The following ARID3C variants were observed in gnomAD, a reference collection of about 807,000 sequenced individuals.
The protein encoded by ARID3C is AT-rich interactive domain-containing protein 3C.
In ARID3C, 42 loss-of-function variants were observed where a neutral mutation model predicts 37.9. That is an observed-to-expected ratio of 1.11 (90% CI 0.87 to 1.43). The LOEUF is 1.43. ARID3C is among the 40% of genes most tolerant of loss of function. The pLI, the probability that ARID3C is intolerant of heterozygous loss-of-function variation, is 0.00. For synonymous variants in ARID3C, 213 were observed against 228.0 expected (o/e 0.93, Z 0.59); for missense variants, 581 against 548.8 (o/e 1.06, Z -0.59).
rs192350625 is a variant in ARID3C at position 34,628,085 on chromosome 9, G to C, written c.-71C>G. The C allele has an allele frequency of 7.0e-7, 1 of 1,437,050 alleles. No individual in the cohort carries two copies. Among genetic ancestry groups the C allele is most frequent in the East Asian group, 2.5e-5 (1 of 39,958 alleles). The allele number at this position is 1,437,050 out of a possible 1,614,324, so 89.0% of individuals were successfully genotyped here. A position where few individuals can be genotyped will look rare whatever the true frequency, so the allele number is the denominator to read the frequency against. On this transcript the variant is annotated 5_prime_UTR_variant, in exon 1 of 7. Transcript: ENST00000378909. The surrounding 1 kb of genome is among the most constrained non-coding windows in gnomAD (Gnocchi z 5.2). ...CAGGCGGGACCCCGAGGAAAGGGCC[G>C]CCTGTGGGGGAGGGAATTATGGGTG...
chr9:34,622,500 C>T, exon 5 of ARID3C: 9 of 1,610,330 alleles, frequency 5.6e-6, no homozygotes, highest in Non-Finnish European at 7.6e-6. Flanking sequence ...ACAGGCAGTG[C>T]CAGACAAGGG....
chr9:34,625,650 G>T, intron 2 of ARID3C, 92 bp downstream of exon 3: 3 of 1,417,070 alleles, frequency 2.1e-6, no homozygotes, highest in Non-Finnish European at 2.0e-6. Flanking sequence ...GTGCTGCCAA[G>T]CTCAGGCCTC....
chr9:34,621,776 T>C (rs1439076336), intron 6 of ARID3C, among the ~76,000 whole-genome samples: 1 of 152,092 alleles, frequency 6.6e-6, no homozygotes, highest in Non-Finnish European at 1.5e-5. Flanking sequence ...TTTATGCTGA[T>C]ACATAGGCCC....
At chr9:34,627,987 C>A in exon 1 of ARID3C, 2 of 1,512,202 alleles carry the variant, frequency 1.3e-6, no homozygotes, top group Non-Finnish European at 8.9e-7. Context: ...GCCAGCCGAG[C>A]TGCCTGCTGC....
upstream of ARID3C, among the ~76,000 whole-genome samples, chr9:34,630,311 C>T (rs754522780): frequency 1.3e-5 from 2 of 152,116 alleles, no homozygotes; most frequent in Non-Finnish European, 2.9e-5. Flanking sequence ...GCAGGCCTCT[C>T]AGAATTTCTG....
At chr9:34,626,642 T>C in intron 1 of ARID3C, among the ~76,000 whole-genome samples, 1 of 152,070 alleles carries the variant, frequency 6.6e-6, no homozygotes, top group East Asian at 1.9e-4. Flanking sequence ...CCTCAGAGTA[T>C]AAAACAAACA....
upstream of ARID3C, among the ~76,000 whole-genome samples, chr9:34,630,629 G>A (rs560366778): frequency 4.6e-5 from 7 of 152,042 alleles, no homozygotes; most frequent in South Asian, 6.2e-4. Context: ...TCAAACCACC[G>A]GCTCTTCTGA....
intron 1 of ARID3C, among the ~76,000 whole-genome samples, chr9:34,627,473 T>C (rs564195144): frequency 6.6e-6 from 1 of 152,228 alleles, no homozygotes; most frequent in East Asian, 1.9e-4. Flanking sequence ...GAAAACCTTG[T>C]CTTTACAAAA....
rs945737272 is a variant in ARID3C at position 34,628,028 on chromosome 9, C to A, written c.-14G>T. The stretch of plus-strand genomic sequence containing the variant: ...CAGGGCCTCCATGACAGCTTCCAGG[C>A]GCAGTCCCCCAGCTGAGGGGGTCCC... On this transcript the variant is annotated 5_prime_UTR_variant, in exon 1 of 7. Coordinates refer to ENST00000378909, the Ensembl canonical transcript of ARID3C. This position sits in a 1 kb window ranked among gnomAD's most constrained non-coding sequence, Gnocchi z 5.2. The A allele has an allele frequency of 1.4e-6, 2 of 1,465,600 alleles. No individual in the cohort carries two copies. Among genetic ancestry groups the A allele is most frequent in the Non-Finnish European group, 1.8e-6 (2 of 1,107,934 alleles). 90.8% of individuals were successfully genotyped at this position (1,465,600 alleles called of 1,614,324 possible). A position where few individuals can be genotyped will look rare whatever the true frequency, so the allele number is the denominator to read the frequency against.
chr9:34,627,914 T>G (rs1820680184), exon 1 of ARID3C: 2 of 1,558,620 alleles, frequency 1.3e-6, no homozygotes, highest in East Asian at 4.8e-5. Context: ...GGTCCGGTGG[T>G]CAGGCAGGGG....
chr9:34,627,044 T>C (rs1045405324), intron 1 of ARID3C, among the ~76,000 whole-genome samples: 1 of 152,178 alleles, frequency 6.6e-6, no homozygotes, highest in Non-Finnish European at 1.5e-5. Context: ...GTCTTGTCAT[T>C]CTGAGTTGCG....
rs774023997 is a variant in ARID3C at position 34,623,734 on chromosome 9, G to A, written c.576-20C>T. On this transcript the variant is annotated intron_variant, in intron 3 of 6. Coordinates refer to ENST00000378909, the Ensembl canonical transcript of ARID3C. ...ATGTACCTAGGGGCGGACAGCGGGCGGTGAGTGTATGGGAGGCTGCACCCA... is the reference window on the plus strand; with the variant it reads ...ATGTACCTAGGGGCGGACAGCGGGCAGTGAGTGTATGGGAGGCTGCACCCA... 25 of 1,512,344 alleles carry A rather than the reference G, an allele frequency of 1.7e-5. No homozygotes were observed. Among genetic ancestry groups the A allele is most frequent in the Non-Finnish European group, 2.1e-5 (24 of 1,131,252 alleles). 93.7% of individuals were successfully genotyped at this position (1,512,344 alleles called of 1,614,324 possible).
Position 34,627,714 on chromosome 9 carries a change from C to T in ARID3C, c.301G>A (p.Glu101Lys), listed in dbSNP as rs919201543. The change falls in exon 1 of 7, where the codon GAG (glutamate) becomes AAG (lysine). Residue 101 changes from glutamate (E) to lysine (K), a missense_variant. Coordinates refer to ENST00000378909, the Ensembl canonical transcript of ARID3C. ...GGTCCTACCTGCTTGAATTGTTCCT[C>T]GTAGGTCCACTCGTGGGGATGGAGT... 3 of 1,612,230 alleles carry T rather than the reference C, an allele frequency of 1.9e-6. No homozygotes were observed. Among genetic ancestry groups the T allele is most frequent in the Non-Finnish European group, 1.7e-6 (2 of 1,179,140 alleles).
chr9:34,624,118 A>G, intron 2 of ARID3C, 71 bp from the exon 4 acceptor site: 1 of 1,470,498 alleles, frequency 6.8e-7, no homozygotes, highest in Non-Finnish European at 9.1e-7. Context: ...AGGGACTGAT[A>G]CAGGACGGGA....
exon 7 of ARID3C, chr9:34,621,410 T>A: frequency 7.8e-7 from 1 of 1,288,586 alleles, no homozygotes; most frequent in East Asian, 2.8e-5. Flanking sequence ...GGGGGTCTCC[T>A]CCCCCCTCAG....
At chr9:34,630,523 C>T (rs377452927), upstream of ARID3C, among the ~76,000 whole-genome samples, 12 of 152,272 alleles carry the variant, frequency 7.9e-5, 1 homozygote, top group East Asian at 1.4e-3. Flanking sequence ...CCTCACACCC[C>T]CAGAAGGCAG....
At chr9:34,627,801 C>T in exon 1 of ARID3C, 1 of 1,614,022 alleles carries the variant, frequency 6.2e-7, no homozygotes, top group Non-Finnish European at 8.5e-7. Context: ...TCCTCAGCTG[C>T]CTCCTCCTCT....
At chr9:34,625,895 C>A in intron 1 of ARID3C, 81 bp from the exon 3 acceptor site, 2 of 1,479,652 alleles carry the variant, frequency 1.4e-6, no homozygotes, top group South Asian at 1.2e-5. Flanking sequence ...GTACCCTGAA[C>A]AAGGGTCCCT....
upstream of ARID3C, among the ~76,000 whole-genome samples, chr9:34,629,815 C>T (rs955445691): frequency 1.3e-5 from 2 of 151,928 alleles, no homozygotes; most frequent in East Asian, 1.9e-4. Context: ...TGCAGTGGCG[C>T]GATCTGGGCT....
Sources: allele counts gnomAD v4.1 joint callset (sites outside exome capture counted in the v4.1 genomes callset), GRCh38; gene constraint gnomAD v4.1.1; non-coding constraint Gnocchi (gnomAD v3.1); transcripts MANE v1.5; gene names NCBI Gene and HGNC (gene_info 2026-07-23, HGNC 2026-07-21).